The following DOCK4 variants were observed in gnomAD, a reference collection of about 807,000 sequenced individuals.
DOCK4 encodes the protein dedicator of cytokinesis protein 4.
A neutral mutation model predicts 268.1 loss-of-function variants in DOCK4; 97 were observed. The observed-to-expected ratio is 0.36, with a 90% CI of 0.31 to 0.43. The LOEUF is 0.43. Among genes scored for constraint, DOCK4 ranks in the 20% least tolerant of loss-of-function variants. The pLI, the probability that DOCK4 is intolerant of heterozygous loss-of-function variation, is 1.00. For missense variants in DOCK4, 2,145 were observed against 2,455.7 expected (o/e 0.87, Z 2.67); for synonymous variants, 954 against 887.2 (o/e 1.08, Z -1.34).
chr7:112,018,522 A>G (rs907841031), intron 1 of DOCK4, among the ~76,000 whole-genome samples: 5 of 152,140 alleles, frequency 3.3e-5, no homozygotes, highest in Non-Finnish European at 2.9e-5. Context: ...CTGCTCTTCC[A>G]ATTTTATAAG....
At position 111,913,496 on chromosome 7, in the gene DOCK4, A is replaced by G. The variant is rs1177270581; in HGVS notation, c.1192+2283T>C. On this transcript the variant is annotated intron_variant, in intron 13 of 52. Transcript: ENST00000428084. ...GCGATCTCCGCTCACTGCAAGCTCC[A>G]CCTCCCGGGTTCACGCCATTCTCCT... Among the ~76,000 whole-genome samples, 6 of 136,724 alleles carry G rather than the reference A, an allele frequency of 4.4e-5. No individual in the cohort carries two copies. The South Asian group carries it at 7.1e-4, about 16-fold the overall frequency. The allele number at this position is 136,724 out of a possible 152,430, so 89.7% of individuals were successfully genotyped here.
chr7:111,807,692 T>G (rs1800782344), intron 30 of DOCK4: 1 of 152,178 alleles, frequency 6.6e-6, no homozygotes, highest in African/African-American at 2.4e-5. Context: ...GCCAGGCTAG[T>G]CTCAAACTCC....
rs578250101 is a variant in DOCK4, at chr7:111,761,270, G to C, written c.4021-948C>G. ...AGATGGGGTTTCACTGTGTTGGCCAGGCTGGCCTTGAACTCCTGGCCTCAG... is the reference window on the plus strand; with the variant it reads ...AGATGGGGTTTCACTGTGTTGGCCACGCTGGCCTTGAACTCCTGGCCTCAG... On this transcript the variant is annotated intron_variant, in intron 39 of 52. Coordinates refer to ENST00000428084, the MANE Select transcript of DOCK4 (RefSeq NM_001363540.2). Among the ~76,000 whole-genome samples, 3 of 152,252 alleles carry C rather than the reference G, an allele frequency of 2.0e-5. No homozygotes were observed. The South Asian group carries it at 6.2e-4, about 32-fold the overall frequency.
chr7:111,775,574 C>T (rs1411948502), intron 36 of DOCK4, among the ~76,000 whole-genome samples: 2 of 152,222 alleles, frequency 1.3e-5, no homozygotes, highest in African/African-American at 2.4e-5. Context: ...CCTTCCACAT[C>T]TCCTGGCTTA....
At chr7:112,016,719 C>T (rs1198746937) in intron 1 of DOCK4, among the ~76,000 whole-genome samples, 1 of 152,058 alleles carries the variant, frequency 6.6e-6, no homozygotes, top group African/African-American at 2.4e-5. Context: ...ATTTCTTTAA[C>T]ATAAAGTACA....
At position 111,755,592 on chromosome 7, in the gene DOCK4, C is replaced by A; in HGVS notation, c.4339G>T (p.Val1447Leu). ...ACCAAGTATAATGACGTTCTCTCCA[C>A]CCAGAGACTCTACAAAACACAAAAC... is the stretch of plus-strand genomic sequence containing the variant. ...DKENEFKSLWVERTSLYLVQS... is the reference protein window; with the variant it reads ...DKENEFKSLWLERTSLYLVQS... Residue 1447 changes from valine to leucine, a missense_variant, in exon 42 of 53, where the codon GTG (valine) becomes TTG (leucine). Val to Leu is a conservative substitution (Grantham distance 32, BLOSUM62 1). Around this residue, in one of 2 missense-constraint regions of DOCK4, gnomAD observed 1,598 missense variants for 1,986.7 expected, o/e 0.80. Transcript: ENST00000428084. 6.2e-7 allele frequency: 1 copy of A among 1,613,948 alleles called. No homozygotes were observed. The highest frequency in any genetic ancestry group is 8.5e-7 in the Non-Finnish European group (1 of 1,179,878).
intron 1 of DOCK4, among the ~76,000 whole-genome samples, chr7:112,119,837 A>G (rs1473771094): frequency 1.3e-5 from 2 of 151,176 alleles, no homozygotes; most frequent in Non-Finnish European, 2.9e-5. Context: ...TGCTCAATAA[A>G]TGGGTAGATG....
At chr7:112,040,540 C>G (rs911188260) in intron 1 of DOCK4, among the ~76,000 whole-genome samples, 2 of 152,078 alleles carry the variant, frequency 1.3e-5, no homozygotes, top group African/African-American at 4.8e-5. Context: ...ATAAATAACA[C>G]AGATGCTGAG....
intron 35 of DOCK4, among the ~76,000 whole-genome samples, chr7:111,780,374 C>T (rs138199664): frequency 0.028 from 4,286 of 152,114 alleles, 90 homozygotes; most frequent in Middle Eastern, 0.061. Flanking sequence ...TTATTATAAC[C>T]AAAATCATTT....
rs574700858 is a variant in DOCK4 at position 111,997,331 on chromosome 7, C to T, written c.218+1117G>A. ...GGTAATTATTAGAATTAGAATTATG[C>T]TTTTAATCTATTATTCAATAATTAC... On this transcript the variant is annotated intron_variant, in intron 4 of 52. Coordinates refer to ENST00000428084, the MANE Select transcript of DOCK4 (RefSeq NM_001363540.2). Among the ~76,000 whole-genome samples the T allele has an allele frequency of 3.9e-5, 6 of 152,274 alleles. No individual in the cohort carries two copies. The South Asian group carries it at 1.2e-3, about 32-fold the overall frequency.
chr7:111,844,933 G>C, intron 24 of DOCK4, 36 bp from the exon 25 acceptor site: 1 of 1,580,154 alleles, frequency 6.3e-7, no homozygotes, highest in Non-Finnish European at 8.6e-7. Context: ...CAGGAAACTG[G>C]GGTTTAACAT....
At chr7:112,014,163 G>A (rs891162322) in intron 1 of DOCK4, among the ~76,000 whole-genome samples, 1 of 152,176 alleles carries the variant, frequency 6.6e-6, no homozygotes, top group Admixed American at 6.5e-5. Context: ...TGAGAAAGAA[G>A]TTTCCTACGT....
At chr7:111,749,981 G>A (rs1333900689) in intron 42 of DOCK4, among the ~76,000 whole-genome samples, 3 of 152,118 alleles carry the variant, frequency 2.0e-5, no homozygotes, top group African/African-American at 4.8e-5. Flanking sequence ...ATAAGGGGAC[G>A]GTCAAAGAAG....
At chr7:112,052,052 C>A (rs970079352) in intron 1 of DOCK4, among the ~76,000 whole-genome samples, 6 of 152,080 alleles carry the variant, frequency 3.9e-5, no homozygotes, top group African/African-American at 1.2e-4. Flanking sequence ...TTGCATATGA[C>A]CTATGAACAT....
intron 1 of DOCK4, among the ~76,000 whole-genome samples, chr7:112,033,778 C>A (rs537201783): frequency 6.6e-6 from 1 of 152,140 alleles, no homozygotes; most frequent in South Asian, 2.1e-4. Flanking sequence ...CCACTACATT[C>A]CTGTTGAAGA....
At chr7:111,914,290 G>C (rs751481214) in intron 13 of DOCK4, among the ~76,000 whole-genome samples, 1 of 151,942 alleles carries the variant, frequency 6.6e-6, no homozygotes, top group African/African-American at 2.4e-5. Flanking sequence ...CCTCCAAACC[G>C]GTCTCCCTGT....
At chr7:111,800,447 T>C (rs1353005396) in intron 30 of DOCK4, among the ~76,000 whole-genome samples, 5 of 152,190 alleles carry the variant, frequency 3.3e-5, no homozygotes, top group Admixed American at 3.3e-4. Context: ...TAATGGCAAG[T>C]CAAGGGGGAA....
At chr7:112,113,927 T>C (rs560781433) in intron 1 of DOCK4, among the ~76,000 whole-genome samples, 49 of 152,102 alleles carry the variant, frequency 3.2e-4, no homozygotes, top group African/African-American at 1.2e-3. Flanking sequence ...GGACCCAGCC[T>C]GATATAAATT....
At chr7:111,747,591 G>T in intron 42 of DOCK4, 148 bp from the exon 43 acceptor site, 2 of 748,550 alleles carry the variant, frequency 2.7e-6, no homozygotes, top group Non-Finnish European at 4.2e-6. Flanking sequence ...AATAGACAAG[G>T]ATGTGGAAGT....
Sources: allele counts gnomAD v4.1 joint callset (sites outside exome capture counted in the v4.1 genomes callset), GRCh38; gene constraint gnomAD v4.1.1; regional missense constraint gnomAD v4.1.1; transcripts MANE v1.5; gene names NCBI Gene and HGNC (gene_info 2026-07-23, HGNC 2026-07-21).